The following PRDM4 variants were observed in gnomAD, a reference collection of about 807,000 sequenced individuals.
PRDM4 encodes PR domain zinc finger protein 4.
Under a neutral mutation model 62.3 loss-of-function variants are expected in PRDM4, and 38 were observed. That is an observed-to-expected ratio of 0.61 (90% CI 0.47 to 0.80). The LOEUF is 0.80. Ranked by LOEUF, PRDM4 falls within the 30% of genes least tolerant of loss-of-function variation. PRDM4 has a pLI of 0.00. For synonymous variants in PRDM4, 339 were observed against 348.2 expected, an observed-to-expected ratio of 0.97 and a Z score of 0.30; for missense variants, 858 against 997.1, an observed-to-expected ratio of 0.86 and a Z score of 1.88.
At chr12:107,739,074 T>C (rs1399778177) in intron 11 of PRDM4, 1 of 242,262 alleles carries the variant, frequency 4.1e-6, no homozygotes, top group Non-Finnish European at 8.0e-6. Context: ...ACATGCACAC[T>C]ATCGTCTAAC....
At chr12:107,739,084 C>T (rs1012897328) in intron 11 of PRDM4, 1 of 273,956 alleles carries the variant, frequency 3.7e-6, no homozygotes, top group Non-Finnish European at 7.0e-6. Flanking sequence ...TATCGTCTAA[C>T]TATAAGCAAC....
intron 6 of PRDM4, among the ~76,000 whole-genome samples, 157 bp downstream of exon 6, chr12:107,746,118 C>G (rs1890694750): frequency 1.3e-5 from 2 of 152,234 alleles, no homozygotes; most frequent in Admixed American, 1.3e-4. Context: ...TTGCTATCAT[C>G]AGTGGACAAG....
chr12:107,734,775 C>T (rs965222966), intron 11 of PRDM4, among the ~76,000 whole-genome samples: 2 of 152,250 alleles, frequency 1.3e-5, no homozygotes, highest in African/African-American at 4.8e-5. Flanking sequence ...TTTTGTCTTG[C>T]TGCATTCTCT....
At chr12:107,757,229 C>T (rs1405268559) in intron 2 of PRDM4, among the ~76,000 whole-genome samples, 1 of 152,176 alleles carries the variant, frequency 6.6e-6, no homozygotes, top group Non-Finnish European at 1.5e-5. Flanking sequence ...AAACTCTAGG[C>T]ACACCATCTA....
Position 107,751,887 on chromosome 12 carries a change from A to G in PRDM4, c.654T>C (p.Val218=). The change falls in exon 5 of 12, where the codon GTT becomes GTC. Residue 218 remains valine, a synonymous_variant. Transcript: ENST00000228437. ...GMAEELTMDG[V]AGEHSQIPNG... is the part of the protein sequence containing the mutation. ...TTGGGATTTGGGAATGCTCGCCTGCAACACCGTCCATCGTAAGCTCCTCTG... is the reference window on the plus strand; with the variant it reads ...TTGGGATTTGGGAATGCTCGCCTGCGACACCGTCCATCGTAAGCTCCTCTG... 6.2e-7 allele frequency: 1 copy of G among 1,614,244 alleles called. No individual in the cohort carries two copies. The highest frequency in any genetic ancestry group is 1.1e-5 in the South Asian group (1 of 91,082).
At chr12:107,754,175 A>T in intron 3 of PRDM4, 66 bp from the exon 4 acceptor site, 1 of 1,271,036 alleles carries the variant, frequency 7.9e-7, no homozygotes, top group Non-Finnish European at 1.1e-6. Context: ...CACTACAACC[A>T]CTGGCTAAAC....
chr12:107,737,983 TG>T (rs1890388299), intron 11 of PRDM4: 1 of 152,172 alleles, frequency 6.6e-6, no homozygotes. Context: ...GAGAAGAGAT[TG>T]GAACTCTCAT....
intron 3 of PRDM4, 59 bp from the exon 4 acceptor site, chr12:107,754,168 T>C: frequency 1.5e-6 from 2 of 1,338,938 alleles, no homozygotes; most frequent in Non-Finnish European, 2.0e-6. Context: ...AAATTCTCAC[T>C]ACAACCACTG....
chr12:107,735,586 C>G (rs1195287747), intron 11 of PRDM4, among the ~76,000 whole-genome samples: 3 of 151,698 alleles, frequency 2.0e-5, no homozygotes, highest in Non-Finnish European at 4.4e-5. Context: ...TAATTAGTAT[C>G]TAGTAGGAAA....
intron 11 of PRDM4, among the ~76,000 whole-genome samples, chr12:107,737,382 T>C (rs933251538): frequency 1.3e-5 from 2 of 152,220 alleles, no homozygotes; most frequent in African/African-American, 4.8e-5. Flanking sequence ...GAGGGAACAG[T>C]GCTTCTTATA....
In PRDM4 at chr12:107,751,648, G is replaced by A; in HGVS notation, c.893C>T (p.Ser298Phe). 6.2e-7 allele frequency: 1 copy of A among 1,614,158 alleles called. No homozygotes were observed. The highest frequency in any genetic ancestry group is 2.2e-5 in the East Asian group (1 of 44,884). ...SIHTVAMSTN[S>F]VSVALSTSHN... Reference sequence around the variant, plus strand: ...TGAGGTAGAGAGTGCCACGCTTACAGAGTTGGTGCTCATGGCCACAGTGTG... The same window carrying A: ...TGAGGTAGAGAGTGCCACGCTTACAAAGTTGGTGCTCATGGCCACAGTGTG... Residue 298 changes from serine (S) to phenylalanine (F), a missense_variant, in exon 5 of 12, where the codon TCT (serine) becomes TTT (phenylalanine). Ser to Phe is a radical substitution (Grantham distance 155). Coordinates refer to ENST00000228437, the MANE Select transcript of PRDM4 (RefSeq NM_012406.4).
intron 6 of PRDM4, 35 bp from the exon 7 acceptor site, chr12:107,744,696 G>T (rs1363248752): frequency 6.2e-7 from 1 of 1,608,006 alleles, no homozygotes; most frequent in Non-Finnish European, 8.5e-7. Context: ...CACAATCAAT[G>T]ATTTAAACAG....
rs947846431 is a variant in PRDM4 at position 107,733,821 on chromosome 12, G to A, written c.*389C>T. ...TCAGGATGGCTATGGGGCAAGGACCGTTTAGAATGTTACCAAGTCACAGGA... is the reference window on the plus strand; with the variant it reads ...TCAGGATGGCTATGGGGCAAGGACCATTTAGAATGTTACCAAGTCACAGGA... On this transcript the variant is annotated 3_prime_UTR_variant, in exon 12 of 12. Coordinates refer to ENST00000228437, the MANE Select transcript of PRDM4 (RefSeq NM_012406.4). 4 of 215,054 alleles carry A rather than the reference G, an allele frequency of 1.9e-5. No homozygotes were observed. Among genetic ancestry groups the A allele is most frequent in the Non-Finnish European group, 3.7e-5 (4 of 108,184 alleles). 13.3% of individuals were successfully genotyped at this position (215,054 alleles called of 1,614,324 possible). A position where few individuals can be genotyped will look rare whatever the true frequency, so the allele number is the denominator to read the frequency against.
At chr12:107,758,703 A>C (rs557009017) in intron 2 of PRDM4, among the ~76,000 whole-genome samples, 63 of 152,358 alleles carry the variant, frequency 4.1e-4, no homozygotes, top group Non-Finnish European at 6.9e-4. Context: ...ATTGTGGCGT[A>C]TATTTAAAGT....
At chr12:107,737,983 T>C (rs1890388212) in intron 11 of PRDM4, 1 of 152,172 alleles carries the variant, frequency 6.6e-6, no homozygotes, top group African/African-American at 2.4e-5. Context: ...GAGAAGAGAT[T>C]GGAACTCTCA....
In PRDM4 at chr12:107,754,118, C is replaced by A; in HGVS notation, c.146-9G>T. The A allele has an allele frequency of 6.4e-7, 1 of 1,565,964 alleles. No individual in the cohort carries two copies. The highest frequency in any genetic ancestry group is 8.7e-7 in the Non-Finnish European group (1 of 1,155,340). ...AATTGCCACTGGGAGGCCTACAAAA[C>A]AAAATTTTTTTTCTCAGTTAAAAGA... On this transcript the variant is annotated splice_polypyrimidine_tract_variant and intron_variant, in intron 3 of 11. Transcript: ENST00000228437.
At chr12:107,735,851 GGAGT>G (rs1352401043) in intron 11 of PRDM4, among the ~76,000 whole-genome samples, 1 of 151,216 alleles carries the variant, frequency 6.6e-6, no homozygotes, top group Non-Finnish European at 1.5e-5. Context: ...AATCCTGGAA[GGAGT>G]GAGAGGGTGC....
At chr12:107,737,179 C>T (rs1228013556) in intron 11 of PRDM4, among the ~76,000 whole-genome samples, 1 of 151,806 alleles carries the variant, frequency 6.6e-6, no homozygotes, top group African/African-American at 2.4e-5. Flanking sequence ...CTTCCACTCT[C>T]GGGGGACACT....
chr12:107,749,247 T>C (rs1890817532), intron 5 of PRDM4, among the ~76,000 whole-genome samples: 1 of 152,160 alleles, frequency 6.6e-6, no homozygotes, highest in Admixed American at 6.6e-5. Flanking sequence ...ACACAACTTT[T>C]CATTAGACAT....
Sources: gnomAD v4.1 joint callset for allele counts (sites outside exome capture counted in the v4.1 genomes callset) on GRCh38, gnomAD v4.1.1 for gene constraint, MANE v1.5 for transcripts, NCBI Gene and HGNC (gene_info 2026-07-23, HGNC 2026-07-21) for gene names.